Variants in SSBP4 observed in about 807,000 individuals in gnomAD.
The protein encoded by SSBP4 is single-stranded DNA-binding protein 4.
Under a neutral mutation model 64.6 loss-of-function variants are expected in SSBP4, and 33 were observed. That is an observed-to-expected ratio of 0.51 (90% confidence interval 0.39 to 0.68). SSBP4 has a LOEUF of 0.68. Among genes scored for constraint, SSBP4 ranks in the 30% least tolerant of loss-of-function variants. The pLI is 0.00. For synonymous variants in SSBP4, 243 were observed against 224.0 expected (o/e 1.08, Z -0.76); for missense variants, 583 against 566.8 (o/e 1.03, Z -0.29).
At chr19:18,422,781 C>T (rs1972551605) in intron 1 of SSBP4, among the ~76,000 whole-genome samples, 1 of 152,220 alleles carries the variant, frequency 6.6e-6, no homozygotes, top group Non-Finnish European at 1.5e-5. Flanking sequence ...CTCTGGGCCT[C>T]GGTTTCCTTC....
Position 18,432,768 on chromosome 19 carries a change from C to T in SSBP4, c.786+33C>T, listed in dbSNP as rs899714143. 8 of 1,612,140 alleles carry T rather than the reference C, an allele frequency of 5.0e-6. No individual in the cohort carries two copies. The African/African-American group carries it at 1.1e-4, about 22-fold the overall frequency. On this transcript the variant is annotated intron_variant, in intron 12 of 17. Coordinates refer to ENST00000270061, the MANE Select transcript of SSBP4 (RefSeq NM_032627.5). ...TGAGCAAAGCTGGGTCACCCCTGGGCAGGGGTTGTGGGATGGCAGATGAGG... is the reference window on the plus strand; with the variant it reads ...TGAGCAAAGCTGGGTCACCCCTGGGTAGGGGTTGTGGGATGGCAGATGAGG...
chr19:18,409,794 C>T, the SSBP4 span, among the ~76,000 whole-genome samples: 1 of 152,102 alleles, frequency 6.6e-6, no homozygotes, highest in African/African-American at 2.4e-5. Flanking sequence ...GCTGAGATTA[C>T]AGGCATGAGC....
the SSBP4 span, among the ~76,000 whole-genome samples, chr19:18,403,595 G>A: frequency 6.6e-6 from 1 of 151,608 alleles, no homozygotes. Flanking sequence ...TGGGGACTGA[G>A]GGTCCTGGGC....
intron 1 of SSBP4, among the ~76,000 whole-genome samples, chr19:18,422,328 G>C (rs1972522191): frequency 6.6e-6 from 1 of 152,192 alleles, no homozygotes; most frequent in African/African-American, 2.4e-5. Context: ...CTGCCCAGCA[G>C]AGGTGCTTTG....
At position 18,427,332 on chromosome 19, in the gene SSBP4, G is replaced by T; in HGVS notation, c.60-19G>T. On this transcript the variant is annotated intron_variant, in intron 1 of 17. Coordinates refer to ENST00000270061, the MANE Select transcript of SSBP4 (RefSeq NM_032627.5). This position sits in a 1 kb window ranked among gnomAD's most constrained non-coding sequence, Gnocchi z 4.4. ...TGCCTTGGAGAGTCTGAGCTCCCTGGGCCGCCTCGCCCCCACAGGTTGGCG... is the reference window on the plus strand; with the variant it reads ...TGCCTTGGAGAGTCTGAGCTCCCTGTGCCGCCTCGCCCCCACAGGTTGGCG... The T allele has an allele frequency of 6.2e-7, 1 of 1,607,544 alleles. No individual in the cohort carries two copies. The highest frequency in any genetic ancestry group is 8.5e-7 in the Non-Finnish European group (1 of 1,179,568).
At chr19:18,412,460 CAAAAAA>C in the SSBP4 span, among the ~76,000 whole-genome samples, 1 of 74,412 alleles carries the variant, frequency 1.3e-5, no homozygotes, top group Non-Finnish European at 2.7e-5. Context: ...GACTCCATCT[CAAAAAA>C]AAAAAAAAAA....
the SSBP4 span, among the ~76,000 whole-genome samples, chr19:18,403,577 G>C: frequency 2.6e-5 from 4 of 151,868 alleles, no homozygotes; most frequent in African/African-American, 4.8e-5. Context: ...CCTGGGGTCT[G>C]GGGATCCTGG....
At chr19:18,429,904 G>A (rs1973205516) in intron 4 of SSBP4, among the ~76,000 whole-genome samples, 1 of 152,150 alleles carries the variant, frequency 6.6e-6, no homozygotes, top group South Asian at 2.1e-4. Flanking sequence ...CACAGGGGGA[G>A]GGAGGATTTC....
Position 18,426,535 on chromosome 19 carries a change from G to A in SSBP4, c.60-816G>A, listed in dbSNP as rs1972867402. Among the ~76,000 whole-genome samples the A allele has an allele frequency of 6.6e-6, 1 of 152,196 alleles. No homozygotes were observed. The highest frequency in any genetic ancestry group is 2.1e-4 in the South Asian group (1 of 4,838). On this transcript the variant is annotated intron_variant, in intron 1 of 17. Coordinates refer to ENST00000270061, the MANE Select transcript of SSBP4 (RefSeq NM_032627.5). The surrounding 1 kb of genome is among the most constrained non-coding windows in gnomAD (Gnocchi z 4.5). ...GGTTTGTCCTCTGCTCTCTGGTGTG[G>A]CAGCTGGACTGGAGCGGGGTGGACA...
chr19:18,432,932 G>A, intron 13 of SSBP4, 41 bp from the exon 14 acceptor site: 1 of 1,614,038 alleles, frequency 6.2e-7, no homozygotes, highest in South Asian at 1.1e-5. Context: ...TGTGTTTGGG[G>A]GAAACCCCGT....
intron 17 of SSBP4, 108 bp downstream of exon 17, chr19:18,433,925 C>G: frequency 8.0e-7 from 1 of 1,250,138 alleles, no homozygotes; most frequent in South Asian, 3.1e-5. Context: ...GTGACCGCGG[C>G]GGGCCAGGTG....
intron 10 of SSBP4, 32 bp from the exon 11 acceptor site, chr19:18,432,527 C>T (rs1199117551): frequency 7.1e-6 from 11 of 1,550,892 alleles, no homozygotes; most frequent in Non-Finnish European, 8.7e-6. Flanking sequence ...CATGGACTAG[C>T]CCCAGAGTCT....
rs544915319 is a variant in SSBP4 at position 18,427,077 on chromosome 19, C to T, written c.60-274C>T. Among the ~76,000 whole-genome samples the T allele has an allele frequency of 2.0e-5, 3 of 152,286 alleles. No homozygotes were observed. Among genetic ancestry groups the T allele is most frequent in the African/African-American group, 7.2e-5 (3 of 41,546 alleles). On this transcript the variant is annotated intron_variant, in intron 1 of 17. Transcript: ENST00000270061. This position sits in a 1 kb window ranked among gnomAD's most constrained non-coding sequence, Gnocchi z 4.4. Reference sequence around the variant, plus strand: ...TCCTCTATGGAGGAGACCTCCCCAGCGCTGAGGCCTCTCTGGAGTCTCAGT... The same window carrying T: ...TCCTCTATGGAGGAGACCTCCCCAGTGCTGAGGCCTCTCTGGAGTCTCAGT...
chr19:18,419,544 TCGGGGCGGTGAGGCCCGGGGCG>T lies in SSBP4; in HGVS notation c.-99_-78del. ...GATGCCTGCCGTGCCCGCCTGGGGC[TCGGGGCGGTGAGGCCCGGGGCG>T]CGGGGTAGCTATGGCGACGGCAAGC... On this transcript the variant is annotated 5_prime_UTR_variant, in exon 1 of 18. An upstream open reading frame in the 5' UTR gains an earlier in-frame stop. Transcript: ENST00000270061. 1 of 1,143,036 alleles carries T rather than the reference TCGGGGCGGTGAGGCCCGGGGCG, an allele frequency of 8.7e-7. No homozygotes were observed. The highest frequency in any genetic ancestry group is 1.1e-6 in the Non-Finnish European group (1 of 928,958). 70.8% of individuals were successfully genotyped at this position (1,143,036 alleles called of 1,614,324 possible).
chr19:18,427,276 T>G lies in SSBP4; in HGVS notation c.60-75T>G. 1 of 1,514,508 alleles carries G rather than the reference T, an allele frequency of 6.6e-7. No individual in the cohort carries two copies. The highest frequency in any genetic ancestry group is 9.0e-7 in the Non-Finnish European group (1 of 1,110,034). The allele number at this position is 1,514,508 out of a possible 1,614,324, so 93.8% of individuals were successfully genotyped here. On this transcript the variant is annotated intron_variant, in intron 1 of 17. Coordinates refer to ENST00000270061, the MANE Select transcript of SSBP4 (RefSeq NM_032627.5). This position sits in a 1 kb window ranked among gnomAD's most constrained non-coding sequence, Gnocchi z 4.4. ...GAGGCCACCTTTCCACCCGCCCTCC[T>G]GAGAGATGGAGGGGCTTTGGGGTGG...
At chr19:18,422,542 A>G (rs1377218461) in intron 1 of SSBP4, among the ~76,000 whole-genome samples, 1 of 152,178 alleles carries the variant, frequency 6.6e-6, no homozygotes, top group East Asian at 1.9e-4. Flanking sequence ...CATTTCAACG[A>G]AAGGGACACC....
chr19:18,432,964 C>T lies in SSBP4; in HGVS notation c.842-9C>T, dbSNP rs200441752. 13 of 1,614,146 alleles carry T rather than the reference C, an allele frequency of 8.1e-6. No individual in the cohort carries two copies. The highest frequency in any genetic ancestry group is 1.1e-5 in the Non-Finnish European group (13 of 1,180,024). ...CCGTCACACCTGGCACCCTTCTGGT[C>T]TCCCCCAGATTCCACCAACTCCAGC... On this transcript the variant is annotated splice_polypyrimidine_tract_variant and intron_variant, in intron 13 of 17. Coordinates refer to ENST00000270061, the MANE Select transcript of SSBP4 (RefSeq NM_032627.5).
Position 18,427,735 on chromosome 19 carries a change from C to G in SSBP4, c.133-17C>G, listed in dbSNP as rs76943697. ...GTCAGGTAGGGCCACCCCCTCACCA[C>G]CTTCCTTTCCCTGCAGATCCGATGG... On this transcript the variant is annotated splice_polypyrimidine_tract_variant and intron_variant, in intron 2 of 17. Coordinates refer to ENST00000270061, the MANE Select transcript of SSBP4 (RefSeq NM_032627.5). This position sits in a 1 kb window ranked among gnomAD's most constrained non-coding sequence, Gnocchi z 4.4. The G allele has an allele frequency of 6.4e-7, 1 of 1,571,310 alleles. No individual in the cohort carries two copies. The highest frequency in any genetic ancestry group is 8.7e-7 in the Non-Finnish European group (1 of 1,153,108).
Position 18,431,382 on chromosome 19 carries a change from C to A in SSBP4, c.399C>A (p.His133Gln). The A allele has an allele frequency of 1.4e-6, 2 of 1,454,258 alleles. No individual in the cohort carries two copies. The highest frequency in any genetic ancestry group is 1.9e-6 in the Non-Finnish European group (2 of 1,075,494). The allele number at this position is 1,454,258 out of a possible 1,614,324, so 90.1% of individuals were successfully genotyped here. A position where few individuals can be genotyped will look rare whatever the true frequency, so the allele number is the denominator to read the frequency against. Residue 133 changes from histidine to glutamine, a missense_variant, in exon 6 of 18, where the codon CAC becomes CAA. By Grantham distance (24) the His-to-Gln change is conservative. Coordinates refer to ENST00000270061, the MANE Select transcript of SSBP4 (RefSeq NM_032627.5). ...CCCCCGGCTCCCAGCCGTCCCCCCACAACCCCAACGCCCCCATGATGGGGC... is the reference window on the plus strand; with the variant it reads ...CCCCCGGCTCCCAGCCGTCCCCCCAAAACCCCAACGCCCCCATGATGGGGC... The part of the protein sequence containing the change: ...QGPPGSQPSP[H>Q]NPNAPMMGPH...
Sources: allele counts gnomAD v4.1 joint callset (sites outside exome capture counted in the v4.1 genomes callset), GRCh38; gene constraint gnomAD v4.1.1; non-coding constraint Gnocchi (gnomAD v3.1); transcripts MANE v1.5; gene names NCBI Gene and HGNC (gene_info 2026-07-23, HGNC 2026-07-21).